The following CGNL1 variants were observed in gnomAD, a reference collection of about 807,000 sequenced individuals.
CGNL1 encodes the protein cingulin-like protein 1.
A neutral mutation model predicts 141.2 loss-of-function variants in CGNL1; 132 were observed. That is an observed-to-expected ratio of 0.93 (90% confidence interval 0.81 to 1.08). The LOEUF (loss-of-function observed/expected upper bound fraction) is 1.08, where lower values mean the gene tolerates loss of function less well. Ranked by LOEUF, CGNL1 falls within the 50% of genes least tolerant of loss-of-function variation. The probability of loss-of-function intolerance (pLI) is 0.00; values close to 1 mark genes in which losing one functional copy is unlikely to be tolerated. For synonymous variants in CGNL1, 690 were observed against 622.1 expected (o/e 1.11, Z -1.63); for missense variants, 1,870 against 1,588.6 (o/e 1.18, Z -3.01).
At chr15:57,532,411 A>C (rs113387724) in intron 14 of CGNL1, among the ~76,000 whole-genome samples, 159 of 152,274 alleles carry the variant, frequency 1.0e-3, no homozygotes, top group African/African-American at 3.5e-3. Context: ...CCCAGATCTC[A>C]CTTGCCACTC....
Position 57,453,682 on chromosome 15 carries a change from G to A in CGNL1, c.2055-1G>A, listed in dbSNP as rs1343380674. ...GTCTAATGGGCTTCCTTCCCTGCCA[G>A]GCTATTCCAGGTGAAGATGGAACGG... On this transcript the variant is annotated splice_acceptor_variant, in intron 6 of 18. Coordinates refer to ENST00000281282, the MANE Select transcript of CGNL1 (RefSeq NM_032866.5). LOFTEE classifies it high-confidence loss of function. 1.9e-6 allele frequency: 3 copies of A among 1,613,526 alleles called. No individual in the cohort carries two copies. Among genetic ancestry groups the A allele is most frequent in the East Asian group, 2.2e-5 (1 of 44,848 alleles).
intron 8 of CGNL1, among the ~76,000 whole-genome samples, chr15:57,466,042 G>T (rs758615346): frequency 1.3e-5 from 2 of 152,210 alleles, no homozygotes; most frequent in Non-Finnish European, 2.9e-5. Flanking sequence ...CCAGCAGAAT[G>T]AATTGCATCT....
Position 57,544,597 on chromosome 15 carries a change from G to A in CGNL1, c.3500G>A (p.Arg1167Lys), listed in dbSNP as rs1800847610. The change falls in exon 16 of 19, where the codon AGG becomes AAG. Residue 1167 changes from arginine (R) to lysine (K), a missense_variant and splice_region_variant. Arg to Lys is a conservative substitution (Grantham distance 26, BLOSUM62 2). Transcript: ENST00000281282. ...GAGGACCGCCTGGAGAGTGAGGAGA[G>A]GTGAGCCGGGCCCACCCACTGCAGT... ...ELEDRLESEE[R>K]DRANLQLSNR... 1 of 1,573,086 alleles carries A rather than the reference G, an allele frequency of 6.4e-7. No individual in the cohort carries two copies. Among genetic ancestry groups the A allele is most frequent in the South Asian group, 1.2e-5 (1 of 86,044 alleles).
chr15:57,381,979 G>T (rs1176633879), intron 1 of CGNL1, among the ~76,000 whole-genome samples: 1 of 152,230 alleles, frequency 6.6e-6, no homozygotes, highest in Admixed American at 6.5e-5. Flanking sequence ...AGGTTAGAGA[G>T]ACGTGATTTC....
rs559530673 is a variant in CGNL1 at position 57,516,777 on chromosome 15, C to G, written c.2404-3C>G. 6.2e-7 allele frequency: 1 copy of G among 1,613,846 alleles called. No homozygotes were observed. The highest frequency in any genetic ancestry group is 8.5e-7 in the Non-Finnish European group (1 of 1,179,862). On this transcript the variant is annotated splice_polypyrimidine_tract_variant and splice_region_variant and intron_variant, in intron 8 of 18. Transcript: ENST00000281282. ...TTGTTCATTTGCTTTGTGTTTTTAA[C>G]AGAATGTCGAGGTCTTGGCGAGCAG...
At chr15:57,483,589 A>G (rs1446405502) in intron 8 of CGNL1, among the ~76,000 whole-genome samples, 1 of 150,020 alleles carries the variant, frequency 6.7e-6, no homozygotes, top group Non-Finnish European at 1.5e-5. Context: ...TTTCTGATCT[A>G]TATACCTTTT....
chr15:57,464,307 T>C (rs886910565), intron 8 of CGNL1, among the ~76,000 whole-genome samples: 1 of 152,156 alleles, frequency 6.6e-6, no homozygotes, highest in African/African-American at 2.4e-5. Flanking sequence ...CTTTCATTTT[T>C]TTCAAGAAGC....
chr15:57,496,189 G>T (rs2942043), intron 8 of CGNL1, among the ~76,000 whole-genome samples: 120,081 of 152,092 alleles, frequency 0.79, 48,282 homozygotes, highest in Non-Finnish European at 0.88. Flanking sequence ...AACAGCCTTA[G>T]TTCCTTACTT....
intron 8 of CGNL1, among the ~76,000 whole-genome samples, chr15:57,506,367 C>G (rs2064102925): frequency 6.6e-6 from 1 of 152,172 alleles, no homozygotes; most frequent in Admixed American, 6.5e-5. Context: ...GACTGTGGCT[C>G]TCATGGTGAG....
At chr15:57,512,652 C>T (rs534442688) in intron 8 of CGNL1, among the ~76,000 whole-genome samples, 1 of 152,306 alleles carries the variant, frequency 6.6e-6, no homozygotes, top group South Asian at 2.1e-4. Context: ...CTAAACATCA[C>T]AATTCAGTCC....
At chr15:57,544,688 A>ATCC in intron 16 of CGNL1, 91 bp downstream of exon 16, 1 of 1,461,082 alleles carries the variant, frequency 6.8e-7, no homozygotes. Flanking sequence ...ATCTGTCCTG[A>ATCC]TCCTCGTAGC....
At chr15:57,498,019 C>A (rs2063966697) in intron 8 of CGNL1, among the ~76,000 whole-genome samples, 1 of 152,088 alleles carries the variant, frequency 6.6e-6, no homozygotes, top group Non-Finnish European at 1.5e-5. Flanking sequence ...ACAGGTACCA[C>A]ACTGTGGCAT....
chr15:57,440,109 T>TTAA (rs1555435307), intron 2 of CGNL1, among the ~76,000 whole-genome samples: 19 of 142,906 alleles, frequency 1.3e-4, no homozygotes, highest in African/African-American at 4.7e-4. Context: ...GATAAAATGG[T>TTAA]AAAAAAAAAA....
At chr15:57,495,768 A>G (rs563475105) in intron 8 of CGNL1, among the ~76,000 whole-genome samples, 82 of 152,158 alleles carry the variant, frequency 5.4e-4, no homozygotes, top group Non-Finnish European at 9.4e-4. Flanking sequence ...GACCAGCCCT[A>G]TTTTCCCTGA....
intron 8 of CGNL1, 129 bp downstream of exon 8, chr15:57,462,021 C>A: frequency 1.4e-6 from 1 of 726,952 alleles, no homozygotes; most frequent in Non-Finnish European, 2.4e-6. Context: ...AGATCATGGA[C>A]ACAGAGCTTA....
chr15:57,512,874 A>T (rs552175030), intron 8 of CGNL1, among the ~76,000 whole-genome samples: 1 of 151,802 alleles, frequency 6.6e-6, no homozygotes, highest in Non-Finnish European at 1.5e-5. Flanking sequence ...AAACCTCCAG[A>T]CCACGGGGGT....
At chr15:57,485,842 T>C (rs2063778622) in intron 8 of CGNL1, among the ~76,000 whole-genome samples, 1 of 152,230 alleles carries the variant, frequency 6.6e-6, no homozygotes, top group African/African-American at 2.4e-5. Flanking sequence ...CATTCTTTGA[T>C]GGCAGCAGCA....
chr15:57,440,545 T>C (rs1280398), intron 3 of CGNL1, 74 bp downstream of exon 3: 850,069 of 1,151,256 alleles, frequency 0.74, 315,058 homozygotes, highest in Middle Eastern at 0.77. Context: ...TTTCCGAGGC[T>C]TTAATGGTTA....
rs1461292360 is a variant in CGNL1, at chr15:57,526,477, G to GT, written c.3039+1728dup. 2.6e-5 allele frequency among the ~76,000 whole-genome samples: 4 copies of GT among 151,620 alleles called. No individual in the cohort carries two copies. In the East Asian group the frequency reaches 7.8e-4, roughly 29 times the overall value. The stretch of plus-strand genomic sequence containing the variant: ...TTGATTGAGCTGGTTGAAGATCTTG[G>GT]TTAAAAAAAAACCCCAAAAGCTACA... On this transcript the variant is annotated intron_variant, in intron 12 of 18. Coordinates refer to ENST00000281282, the MANE Select transcript of CGNL1 (RefSeq NM_032866.5).
Sources: gnomAD v4.1 joint callset for allele counts (sites outside exome capture counted in the v4.1 genomes callset) on GRCh38, gnomAD v4.1.1 for gene constraint, MANE v1.5 for transcripts, NCBI Gene and HGNC (gene_info 2026-07-23, HGNC 2026-07-21) for gene names.